The following MRPL4 variants were observed in gnomAD, a reference collection of about 807,000 sequenced individuals.
MRPL4 encodes large ribosomal subunit protein uL4m.
In MRPL4, 34 loss-of-function variants were observed where a neutral mutation model predicts 34.1. The ratio of observed to expected loss-of-function variants is 1.00; its 90% CI spans 0.76 to 1.33. The LOEUF (loss-of-function observed/expected upper bound fraction) is 1.33, where lower values mean the gene tolerates loss of function less well. MRPL4 is among the 40% of genes most tolerant of loss of function. The pLI, the probability that MRPL4 is intolerant of heterozygous loss-of-function variation, is 0.00. For synonymous variants in MRPL4, 196 were observed against 188.3 expected, an observed-to-expected ratio of 1.04 and a Z score of -0.33; for missense variants, 402 against 434.6, an observed-to-expected ratio of 0.92 and a Z score of 0.67.
chr19:10,259,555 G>A, intron 8 of MRPL4, 62 bp from the exon 9 acceptor site: 4 of 1,542,230 alleles, frequency 2.6e-6, no homozygotes, highest in African/African-American at 1.4e-5. Context: ...ATGTGGGTGG[G>A]GTGAGGAGAG....
intron 5 of MRPL4, among the ~76,000 whole-genome samples, chr19:10,257,621 G>A (rs961555718): frequency 6.6e-6 from 1 of 152,064 alleles, no homozygotes; most frequent in Non-Finnish European, 1.5e-5. Flanking sequence ...GTGCTTGCAG[G>A]GGTCTCCCTG....
rs976058486 is a variant in MRPL4 at position 10,258,238 on chromosome 19, C to G, written c.462C>G (p.Gly154=). 3 of 1,613,450 alleles carry G rather than the reference C, an allele frequency of 1.9e-6. No homozygotes were observed. The highest frequency in any genetic ancestry group is 3.3e-4 in the Middle Eastern group (2 of 6,052). Residue 154 remains glycine, a synonymous_variant, in exon 6 of 9, where the codon GGC becomes GGG. Transcript: ENST00000253099. Reference sequence around the variant, plus strand: ...TCCCCGCAGGAGGTGTTGCCCATGGCCCCCGGGGCCCCACAAGTTACTACT... The same window carrying G: ...TCCCCGCAGGAGGTGTTGCCCATGGGCCCCGGGGCCCCACAAGTTACTACT... ...PLWRGGGVAH[G]PRGPTSYYYM... is the part of the protein sequence containing the mutation.
chr19:10,252,755 T>G, intron 3 of MRPL4, 54 bp downstream of exon 3: 1 of 1,568,678 alleles, frequency 6.4e-7, no homozygotes, highest in Non-Finnish European at 8.6e-7. Flanking sequence ...AGAGCGGGAT[T>G]TCAGGAGTCA....
chr19:10,252,651 G>T lies in MRPL4; in HGVS notation c.225G>T (p.Glu75Asp), dbSNP rs755910219. 1 of 1,608,960 alleles carries T rather than the reference G, an allele frequency of 6.2e-7. No homozygotes were observed. Among genetic ancestry groups the T allele is most frequent in the Non-Finnish European group, 8.5e-7 (1 of 1,179,882 alleles). Residue 75 changes from glutamate to aspartate, a missense_variant, in exon 3 of 9, where the codon GAG becomes GAT. Transcript: ENST00000253099. ...WVESLRGFEQ[E>D]RVGLADLHPD... is the part of the protein sequence containing the mutation. The stretch of plus-strand genomic sequence containing the variant: ...AGTCCTTGCGGGGCTTCGAGCAGGA[G>T]CGCGTGGGCCTGGCCGACCTGCACC...
chr19:10,254,445 A>G (rs781593234), intron 3 of MRPL4, 144 bp from the exon 4 acceptor site: 53 of 853,002 alleles, frequency 6.2e-5, no homozygotes, highest in Non-Finnish European at 9.4e-5. Context: ...GCCCTGAGGC[A>G]GAATTTCAAG....
Position 10,252,233 on chromosome 19 carries a change from G to T in MRPL4, c.-21G>T. The T allele has an allele frequency of 6.3e-7, 1 of 1,589,846 alleles. No homozygotes were observed. Among genetic ancestry groups the T allele is most frequent in the Non-Finnish European group, 8.5e-7 (1 of 1,170,826 alleles). ...GGCTCCAGTGGCCTTGACCTCCCGC[G>T]GCGTGGGAGGCTGCGCGGCGATGCT... On this transcript the variant is annotated 5_prime_UTR_variant, in exon 1 of 9. Transcript: ENST00000253099.
Position 10,252,266 on chromosome 19 carries a change from G to T in MRPL4, c.13G>T (p.Val5Phe). 6.2e-7 allele frequency: 1 copy of T among 1,607,712 alleles called. No homozygotes were observed. Among genetic ancestry groups the T allele is most frequent in the South Asian group, 1.1e-5 (1 of 90,902 alleles). ...AGGCTGCGCGGCGATGCTGCAGTTC[G>T]TCCGGGCCGGGGCGCGGGCCTGGCT... MLQF[V>F]RAGARAWLRP... The change falls in exon 1 of 9, where the codon GTC becomes TTC. Residue 5 changes from valine to phenylalanine, a missense_variant. Transcript: ENST00000253099.
chr19:10,258,801 C>T lies in MRPL4; in HGVS notation c.739+116C>T, dbSNP rs779818831. 1.7e-5 allele frequency: 28 copies of T among 1,604,142 alleles called. No individual in the cohort carries two copies. The Middle Eastern group carries it at 5.5e-4, about 32-fold the overall frequency. ...TGGCCTCAGGCAGTGACCACGCTCC[C>T]GGACCCAACCTTCAGCTTGCCCAAA... is the stretch of plus-strand genomic sequence containing the variant. On this transcript the variant is annotated intron_variant, in intron 8 of 8. Transcript: ENST00000253099.
Position 10,252,606 on chromosome 19 carries a change from C to T in MRPL4, c.180C>T (p.Arg60=), listed in dbSNP as rs2039804408. 1 of 1,612,764 alleles carries T rather than the reference C, an allele frequency of 6.2e-7. No individual in the cohort carries two copies. The highest frequency in any genetic ancestry group is 2.2e-5 in the East Asian group (1 of 44,878). Residue 60 remains arginine (R), a synonymous_variant, in exon 3 of 9, where the codon CGC becomes CGT. Transcript: ENST00000253099. ...AGCTCCCGGTACCCACTCATCGACG[C>T]CCAGTGCAGGCCTGGGTCGAGTCCT... is the stretch of plus-strand genomic sequence containing the variant. ...KVELPVPTHR[R]PVQAWVESLR...
At chr19:10,252,374 T>C (rs776666565) in intron 1 of MRPL4, 23 bp from the exon 2 acceptor site, 2 of 1,613,964 alleles carry the variant, frequency 1.2e-6, no homozygotes, top group East Asian at 2.2e-5. Flanking sequence ...GGGTCGTCTC[T>C]CACTTTCGCC....
At chr19:10,252,114 C>T (rs2039794615), upstream of MRPL4, 1 of 1,049,770 alleles carries the variant, frequency 9.5e-7, no homozygotes, top group Non-Finnish European at 1.3e-6. Context: ...CGGACCCCCT[C>T]CATCTTCGGT....
In MRPL4 at chr19:10,258,208, C is replaced by T. The variant is rs2039869285; in HGVS notation, c.446-14C>T. On this transcript the variant is annotated splice_polypyrimidine_tract_variant and intron_variant, in intron 5 of 8. Coordinates refer to ENST00000253099, the MANE Select transcript of MRPL4 (RefSeq NM_015956.3). ...CAGTGGCCCCTACCTGCTCACATGC[C>T]TCTGTCCCCGCAGGAGGTGTTGCCC... The T allele has an allele frequency of 6.3e-7, 1 of 1,594,776 alleles. No individual in the cohort carries two copies. Among genetic ancestry groups the T allele is most frequent in the Non-Finnish European group, 8.6e-7 (1 of 1,163,052 alleles).
intron 4 of MRPL4, among the ~76,000 whole-genome samples, chr19:10,256,027 C>G (rs1024969934): frequency 6.6e-6 from 1 of 152,038 alleles, no homozygotes; most frequent in African/African-American, 2.4e-5. Context: ...GTGGCTCACA[C>G]CTGTAATCCC....
At chr19:10,254,439 T>C in intron 3 of MRPL4, 150 bp from the exon 4 acceptor site, 2 of 819,814 alleles carry the variant, frequency 2.4e-6, no homozygotes, top group Non-Finnish European at 4.0e-6. Context: ...GCCAAGGCCC[T>C]GAGGCAGAAT....
chr19:10,257,560 T>G (rs898445158), intron 5 of MRPL4, among the ~76,000 whole-genome samples: 1 of 152,096 alleles, frequency 6.6e-6, no homozygotes, highest in Non-Finnish European at 1.5e-5. Context: ...ATGTCTGTTG[T>G]CTTCTCTGCT....
intron 4 of MRPL4, 114 bp downstream of exon 4, chr19:10,254,754 A>G (rs776171771): frequency 8.2e-6 from 9 of 1,091,946 alleles, no homozygotes; most frequent in Non-Finnish European, 1.2e-5. Context: ...CTGGGGCCTC[A>G]TCTGTCTCCT....
At chr19:10,259,153 C>CAGTCTGTT in intron 8 of MRPL4, 2 of 1,136,740 alleles carry the variant, frequency 1.8e-6, no homozygotes, top group Non-Finnish European at 2.2e-6. Flanking sequence ...GTCAAAGCCA[C>CAGTCTGTT]AGTCTGTTCC....
At chr19:10,258,129 T>A in intron 5 of MRPL4, 93 bp from the exon 6 acceptor site, 2 of 873,996 alleles carry the variant, frequency 2.3e-6, no homozygotes, top group South Asian at 3.1e-5. Flanking sequence ...CAGCGCCCCC[T>A]CTCTCGTCAC....
chr19:10,258,816 G>C (rs1241124231), intron 8 of MRPL4, 131 bp downstream of exon 8: 12 of 1,598,094 alleles, frequency 7.5e-6, no homozygotes, highest in African/African-American at 1.3e-5. Context: ...CCAACCTTCA[G>C]CTTGCCCAAA....
Sources: allele counts gnomAD v4.1 joint callset (sites outside exome capture counted in the v4.1 genomes callset), GRCh38; gene constraint gnomAD v4.1.1; transcripts MANE v1.5; gene names NCBI Gene and HGNC (gene_info 2026-07-23, HGNC 2026-07-21).